Variants in PHF14 observed in about 807,000 individuals in gnomAD.
PHF14 encodes PHD finger protein 14.
Under a neutral mutation model 117.9 loss-of-function variants are expected in PHF14, and 55 were observed. That is an observed-to-expected ratio of 0.47 (90% CI 0.38 to 0.58). The LOEUF (loss-of-function observed/expected upper bound fraction) is 0.58. PHF14 is among the 20% of genes least tolerant of loss of function. The pLI, the probability that PHF14 is intolerant of heterozygous loss-of-function variation, is 0.00. For synonymous variants in PHF14, 409 were observed against 368.6 expected, an observed-to-expected ratio of 1.11 and a Z score of -1.26; for missense variants, 978 against 1,122.2, an observed-to-expected ratio of 0.87 and a Z score of 1.84.
At chr7:11,031,342 C>A (rs1379522496) in intron 7 of PHF14, among the ~76,000 whole-genome samples, 2 of 151,976 alleles carry the variant, frequency 1.3e-5, no homozygotes, top group African/African-American at 4.8e-5. Context: ...TATTCTTTTT[C>A]ATCTACTTTG....
intron 16 of PHF14, chr7:11,102,859 T>A: frequency 8.6e-7 from 1 of 1,165,026 alleles, no homozygotes; most frequent in Non-Finnish European, 1.1e-6. Flanking sequence ...AAGTAATGTC[T>A]TTCCCTCTTG....
At chr7:11,072,898 T>C (rs139185297) in intron 16 of PHF14, among the ~76,000 whole-genome samples, 1 of 152,292 alleles carries the variant, frequency 6.6e-6, no homozygotes, top group East Asian at 1.9e-4. Flanking sequence ...CAGGCTCCTT[T>C]AAACAACCAT....
chr7:11,097,447 CTA>C (rs1459984048), intron 16 of PHF14, among the ~76,000 whole-genome samples: 3 of 152,190 alleles, frequency 2.0e-5, no homozygotes, highest in African/African-American at 7.2e-5. Flanking sequence ...TAAATTATGA[CTA>C]GGGATCACCA....
intron 16 of PHF14, chr7:11,104,290 TATACATATAGACTGCAAAATTCATAAG>T: frequency 3.0e-6 from 3 of 984,036 alleles, no homozygotes; most frequent in Non-Finnish European, 3.6e-6. Context: ...TGTCACATGT[TATACATATAGACTGCAAAATTCATAAG>T]ATATAGGTCC....
intron 4 of PHF14, among the ~76,000 whole-genome samples, chr7:10,992,975 A>G (rs781458092): frequency 1.3e-5 from 2 of 152,128 alleles, no homozygotes; most frequent in African/African-American, 2.4e-5. Flanking sequence ...TAATATGATT[A>G]GATTTGGGTT....
intron 16 of PHF14, among the ~76,000 whole-genome samples, chr7:11,091,772 A>G (rs1786649881): frequency 6.6e-6 from 1 of 152,194 alleles, no homozygotes; most frequent in Non-Finnish European, 1.5e-5. Flanking sequence ...ATAAAATAAA[A>G]GTGAATATAA....
intron 16 of PHF14, chr7:11,106,796 A>G (rs1787280103): frequency 1.0e-6 from 1 of 984,494 alleles, no homozygotes; most frequent in African/African-American, 1.7e-5. Context: ...GGAAAATCCA[A>G]CCCATCAGTT....
intron 4 of PHF14, among the ~76,000 whole-genome samples, chr7:11,005,628 T>G (rs1218000047): frequency 6.6e-6 from 1 of 152,162 alleles, no homozygotes; most frequent in African/African-American, 2.4e-5. Context: ...TCAGTGTATG[T>G]GGGATATTTC....
rs371066475 is a variant in PHF14 at position 11,128,039 on chromosome 7, C to G, written c.2772+16572C>G. ...ACATTTTAATGTGCACTTTTTAAAA[C>G]CATTAGAGTCCTCCATTGTAACTGC... On this transcript the variant is annotated intron_variant, in intron 17 of 17. Transcript: ENST00000634607. 1.9e-4 allele frequency among the ~76,000 whole-genome samples: 29 copies of G among 152,186 alleles called. No homozygotes were observed. The East Asian group carries it at 5.4e-3, about 28-fold the overall frequency.
At chr7:11,054,575 T>A (rs1305634529) in intron 14 of PHF14, among the ~76,000 whole-genome samples, 1 of 152,160 alleles carries the variant, frequency 6.6e-6, no homozygotes, top group African/African-American at 2.4e-5. Context: ...TATTTCTATT[T>A]GAGTTGTATT....
chr7:11,020,283 T>G (rs1260513001), intron 5 of PHF14, among the ~76,000 whole-genome samples: 1 of 151,990 alleles, frequency 6.6e-6, no homozygotes. Context: ...AGAGACGAGG[T>G]TTCAACCTGT....
chr7:11,014,113 A>G (rs961400209), intron 5 of PHF14, among the ~76,000 whole-genome samples: 1 of 152,212 alleles, frequency 6.6e-6, no homozygotes, highest in South Asian at 2.1e-4. Flanking sequence ...CTTTACATCC[A>G]TAATCTTAAT....
chr7:11,120,618 G>T (rs779288030), intron 17 of PHF14, among the ~76,000 whole-genome samples: 1 of 151,820 alleles, frequency 6.6e-6, no homozygotes, highest in Non-Finnish European at 1.5e-5. Context: ...GGCATTCATG[G>T]CTCCCTAAAT....
At chr7:11,027,107 A>G (rs1783942550) in intron 6 of PHF14, among the ~76,000 whole-genome samples, 1 of 152,176 alleles carries the variant, frequency 6.6e-6, no homozygotes, top group South Asian at 2.1e-4. Flanking sequence ...TATTTTCCTT[A>G]TATTCACTCT....
chr7:11,007,282 T>G (rs1459724274), intron 4 of PHF14, among the ~76,000 whole-genome samples: 1 of 152,204 alleles, frequency 6.6e-6, no homozygotes, highest in Non-Finnish European at 1.5e-5. Context: ...TTAATGGTCT[T>G]TGTCTGTTAT....
chr7:11,003,874 G>A (rs918867261), intron 4 of PHF14, among the ~76,000 whole-genome samples: 6 of 152,174 alleles, frequency 3.9e-5, no homozygotes, highest in Non-Finnish European at 7.3e-5. Flanking sequence ...GTTGTACCTT[G>A]TGTACCAGGG....
At chr7:11,042,633 T>C (rs1784536287) in intron 12 of PHF14, 50 bp from the exon 13 acceptor site, 1 of 1,317,794 alleles carries the variant, frequency 7.6e-7, no homozygotes, top group Middle Eastern at 1.9e-4. Context: ...GTAAACTGTT[T>C]CACTATGATA....
At chr7:11,153,217 A>C (rs1646725284) in intron 17 of PHF14, among the ~76,000 whole-genome samples, 1 of 152,218 alleles carries the variant, frequency 6.6e-6, no homozygotes, top group African/African-American at 2.4e-5. Flanking sequence ...GCTTGAATTA[A>C]GATGGTAGCA....
intron 16 of PHF14, among the ~76,000 whole-genome samples, chr7:11,094,518 A>T (rs1215340018): frequency 1.3e-5 from 2 of 152,114 alleles, no homozygotes; most frequent in Admixed American, 1.3e-4. Context: ...TCTTCTCAAA[A>T]TTCTTAATCA....
Sources: allele counts gnomAD v4.1 joint callset (sites outside exome capture counted in the v4.1 genomes callset), GRCh38; gene constraint gnomAD v4.1.1; transcripts MANE v1.5; gene names NCBI Gene and HGNC (gene_info 2026-07-23, HGNC 2026-07-21).